Variants in TNFRSF10D observed in about 807,000 individuals in gnomAD.
The protein encoded by TNFRSF10D is tumor necrosis factor receptor superfamily member 10D.
A neutral mutation model predicts 42.1 loss-of-function variants in TNFRSF10D; 28 were observed. That is an observed-to-expected ratio of 0.66 (90% confidence interval 0.49 to 0.91). The LOEUF is 0.91. Ranked by LOEUF, TNFRSF10D falls within the 40% of genes least tolerant of loss-of-function variation. The probability of loss-of-function intolerance (pLI) is 0.00; values close to 1 mark genes in which losing one functional copy is unlikely to be tolerated. For synonymous variants in TNFRSF10D, 186 were observed against 189.4 expected, an observed-to-expected ratio of 0.98 and a Z score of 0.15; for missense variants, 503 against 486.1, an observed-to-expected ratio of 1.03 and a Z score of -0.33.
chr8:23,146,942 C>A lies in TNFRSF10D; in HGVS notation c.482+19G>T, dbSNP rs199601800. 84 of 1,600,034 alleles carry A rather than the reference C, an allele frequency of 5.2e-5. 1 individual carries two copies. In the East Asian group the frequency reaches 1.8e-3, roughly 35 times the overall value. On this transcript the variant is annotated intron_variant, in intron 4 of 8. Coordinates refer to ENST00000312584, the MANE Select transcript of TNFRSF10D (RefSeq NM_003840.5). ...TCAGGTTCCTGAAAGCTGTTGGGAG[C>A]CCCTGGCTGCTGTCTTACCCTGTTC...
chr8:23,161,103 C>T (rs1800361378), intron 1 of TNFRSF10D, among the ~76,000 whole-genome samples: 1 of 152,258 alleles, frequency 6.6e-6, no homozygotes, highest in South Asian at 2.1e-4. Context: ...GTGACTGACA[C>T]CAGCCCTGAG....
rs377719422 is a variant in TNFRSF10D at position 23,139,871 on chromosome 8, C to T, written c.955-1611G>A. On this transcript the variant is annotated intron_variant, in intron 7 of 8. Transcript: ENST00000312584. ...ATGTATAAAAATCAGTAGCACCGGG[C>T]ACCGTGGCTCACACCTGTAATCCCA... Among the ~76,000 whole-genome samples, 4 of 152,254 alleles carry T rather than the reference C, an allele frequency of 2.6e-5. No homozygotes were observed. The South Asian group carries it at 8.3e-4, about 32-fold the overall frequency.
Position 23,142,236 on chromosome 8 carries a change from A to C in TNFRSF10D, c.954+2214T>G, listed in dbSNP as rs143318245. 9.1e-3 allele frequency among the ~76,000 whole-genome samples: 1,380 copies of C among 151,684 alleles called. 32 individuals are homozygous for C. The highest frequency in any genetic ancestry group is 0.032 in the African/African-American group (1,317 of 41,332). On this transcript the variant is annotated intron_variant, in intron 7 of 8. Transcript: ENST00000312584. ...CAGTGAGCCGAGATTGTGCCACTGCACTCCAGCCTGGGTGACAGAGCGAGA... is the reference window on the plus strand; with the variant it reads ...CAGTGAGCCGAGATTGTGCCACTGCCCTCCAGCCTGGGTGACAGAGCGAGA...
At chr8:23,144,805 T>A (rs111476457) in intron 6 of TNFRSF10D, among the ~76,000 whole-genome samples, 170 bp from the exon 7 acceptor site, 1,781 of 151,966 alleles carry the variant, frequency 0.012, 24 homozygotes, top group African/African-American at 0.039. Flanking sequence ...GGTCACCCCA[T>A]CCCCATGGGG....
intron 2 of TNFRSF10D, among the ~76,000 whole-genome samples, chr8:23,150,858 C>T (rs1191341765): frequency 6.7e-6 from 1 of 149,366 alleles, no homozygotes; most frequent in African/African-American, 2.5e-5. Context: ...TACCAAGTCA[C>T]AGGAAGAAAA....
At chr8:23,148,584 C>A in intron 2 of TNFRSF10D, 33 bp from the exon 3 acceptor site, 1 of 1,521,284 alleles carries the variant, frequency 6.6e-7, no homozygotes, top group South Asian at 1.1e-5. Context: ...ATGAATGAGT[C>A]ACCACAGAAT....
rs113448633 is a variant in TNFRSF10D, at chr8:23,136,679, C to G, written c.*1191G>C. ...CTGTCCTCATCTGCTGTGGACAAGT[C>G]GGAAGATGCAGTCCCATGACTGTCC... On this transcript the variant is annotated 3_prime_UTR_variant, in exon 9 of 9. Transcript: ENST00000312584. The G allele has an allele frequency of 6.6e-6, 1 of 152,182 alleles. No homozygotes were observed. The highest frequency in any genetic ancestry group is 2.1e-4 in the South Asian group (1 of 4,830). The allele number at this position is 152,182 out of a possible 1,614,324, so 9.4% of individuals were successfully genotyped here. A position where few individuals can be genotyped will look rare whatever the true frequency, so the allele number is the denominator to read the frequency against.
At chr8:23,148,031 C>G (rs1053186841) in intron 3 of TNFRSF10D, among the ~76,000 whole-genome samples, 2 of 143,720 alleles carry the variant, frequency 1.4e-5, no homozygotes, top group African/African-American at 2.6e-5. Flanking sequence ...CGCCACTGCA[C>G]TCCAGCCTGG....
rs186788678 is a variant in TNFRSF10D at position 23,146,321 on chromosome 8, G to T, written c.483-400C>A. On this transcript the variant is annotated intron_variant, in intron 4 of 8. Coordinates refer to ENST00000312584, the MANE Select transcript of TNFRSF10D (RefSeq NM_003840.5). ...GAGTCCTCGCCCCACCCTGTCTGCC[G>T]CTGGTTCCTCCCAACCACAGCAAAC... is the stretch of plus-strand genomic sequence containing the variant. Among the ~76,000 whole-genome samples, 14 of 152,276 alleles carry T rather than the reference G, an allele frequency of 9.2e-5. No homozygotes were observed. In the East Asian group the frequency reaches 2.7e-3, roughly 29 times the overall value.
intron 1 of TNFRSF10D, among the ~76,000 whole-genome samples, chr8:23,158,813 T>C (rs1403497933): frequency 1.3e-5 from 2 of 152,210 alleles, no homozygotes; most frequent in Non-Finnish European, 2.9e-5. Flanking sequence ...TATTGTGGTA[T>C]AATGGATATG....
At chr8:23,138,680 G>A (rs879412562) in intron 7 of TNFRSF10D, among the ~76,000 whole-genome samples, 4 of 151,968 alleles carry the variant, frequency 2.6e-5, no homozygotes, top group Admixed American at 2.6e-4. Context: ...CTAACAAAAT[G>A]ATTTATCCCA....
Position 23,136,656 on chromosome 8 carries a change from G to A in TNFRSF10D, c.*1214C>T, listed in dbSNP as rs1273954799. ...TCTCGGATCTAACTTAATTCTCACT[G>A]TCCTCATCTGCTGTGGACAAGTCGG... On this transcript the variant is annotated 3_prime_UTR_variant, in exon 9 of 9. Transcript: ENST00000312584. 1.8e-4 allele frequency: 28 copies of A among 152,616 alleles called. No homozygotes were observed. The highest frequency in any genetic ancestry group is 6.7e-4 in the African/African-American group (28 of 41,554). 9.5% of individuals were successfully genotyped at this position (152,616 alleles called of 1,614,324 possible). A position where few individuals can be genotyped will look rare whatever the true frequency, so the allele number is the denominator to read the frequency against.
chr8:23,152,704 G>C (rs1800226305), intron 2 of TNFRSF10D, among the ~76,000 whole-genome samples: 1 of 152,160 alleles, frequency 6.6e-6, no homozygotes, highest in Non-Finnish European at 1.5e-5. Context: ...AAATATTGAT[G>C]AAAGAAACGG....
At chr8:23,155,499 C>T (rs1367508213) in intron 1 of TNFRSF10D, among the ~76,000 whole-genome samples, 1 of 151,982 alleles carries the variant, frequency 6.6e-6, no homozygotes, top group Non-Finnish European at 1.5e-5. Context: ...GTGGGTGGAT[C>T]ATGAGGTCAG....
chr8:23,146,381 C>T (rs1264938146), intron 4 of TNFRSF10D, among the ~76,000 whole-genome samples: 1 of 152,134 alleles, frequency 6.6e-6, no homozygotes, highest in Non-Finnish European at 1.5e-5. Context: ...TTACTCTTTG[C>T]CCCTAAAACC....
intron 7 of TNFRSF10D, among the ~76,000 whole-genome samples, chr8:23,140,807 C>T (rs1360992718): frequency 2.0e-5 from 3 of 152,174 alleles, no homozygotes; most frequent in Admixed American, 2.0e-4. Context: ...TCACCTCAGG[C>T]CATGATTGTG....
chr8:23,156,174 T>C (rs947746452), intron 1 of TNFRSF10D, among the ~76,000 whole-genome samples: 1 of 152,252 alleles, frequency 6.6e-6, no homozygotes, highest in African/African-American at 2.4e-5. Flanking sequence ...GCTTTCATCA[T>C]GCCAACAGCT....
At position 23,163,799 on chromosome 8, in the gene TNFRSF10D, GCGA is replaced by G; in HGVS notation, c.134_136del (p.Val45del). 6.2e-7 allele frequency: 1 copy of G among 1,609,536 alleles called. No individual in the cohort carries two copies. Among genetic ancestry groups the G allele is most frequent in the Non-Finnish European group, 8.5e-7 (1 of 1,178,674 alleles). On this transcript the variant is annotated inframe_deletion, in exon 1 of 9. Transcript: ENST00000312584. ...GCGGAGACTCACCGGCAGCAGAACC[GCGA>G]CGATGAAGACGACGAACTTAAGGAT...
At chr8:23,151,476 A>G (rs1396067317) in intron 2 of TNFRSF10D, among the ~76,000 whole-genome samples, 1 of 152,228 alleles carries the variant, frequency 6.6e-6, no homozygotes, top group Non-Finnish European at 1.5e-5. Context: ...ATATAAAACT[A>G]GGTGGTTAAA....
Sources: gnomAD v4.1 joint callset for allele counts (sites outside exome capture counted in the v4.1 genomes callset) on GRCh38, gnomAD v4.1.1 for gene constraint, MANE v1.5 for transcripts, NCBI Gene and HGNC (gene_info 2026-07-23, HGNC 2026-07-21) for gene names.